NEK11: variants seen among roughly 807,000 people sequenced by gnomAD.
NEK11 encodes the protein serine/threonine-protein kinase Nek11.
A neutral mutation model predicts 80.7 loss-of-function variants in NEK11; 72 were observed. The observed-to-expected ratio is 0.89, with a 90% CI of 0.74 to 1.08. NEK11 has a LOEUF of 1.08. NEK11 is among the 50% of genes least tolerant of loss of function. NEK11 has a pLI of 0.00. For synonymous variants in NEK11, 251 were observed against 260.7 expected, an observed-to-expected ratio of 0.96 and a Z score of 0.36; for missense variants, 764 against 763.6, an observed-to-expected ratio of 1.00 and a Z score of -0.01.
intron 17 of NEK11, among the ~76,000 whole-genome samples, chr3:131,307,071 CA>C (rs1199012679): frequency 6.6e-6 from 1 of 152,100 alleles, no homozygotes; most frequent in Non-Finnish European, 1.5e-5. Flanking sequence ...AAACTCTGTT[CA>C]GCCTTTTACT....
chr3:131,126,968 T>C (rs1321302145), intron 5 of NEK11, among the ~76,000 whole-genome samples: 16 of 141,254 alleles, frequency 1.1e-4, no homozygotes, highest in Admixed American at 1.4e-4. Context: ...TCTTTTTTTT[T>C]TTTTTTTTTT....
At chr3:131,041,018 CTTCT>C (rs1260628935) in intron 3 of NEK11, among the ~76,000 whole-genome samples, 5 of 152,230 alleles carry the variant, frequency 3.3e-5, no homozygotes, top group Non-Finnish European at 7.3e-5. Flanking sequence ...CATTTCCTCT[CTTCT>C]TTCTTTGCTT....
chr3:131,131,465 A>C (rs146481358), intron 5 of NEK11, among the ~76,000 whole-genome samples: 66 of 152,188 alleles, frequency 4.3e-4, no homozygotes, highest in African/African-American at 1.5e-3. Context: ...TCTTTGAAGG[A>C]ATTGGTTCTT....
chr3:131,074,548 C>T (rs2074013059), intron 3 of NEK11, among the ~76,000 whole-genome samples: 1 of 152,022 alleles, frequency 6.6e-6, no homozygotes, highest in Non-Finnish European at 1.5e-5. Context: ...TGTATAAAGT[C>T]ATTTTTTAAA....
intron 16 of NEK11, among the ~76,000 whole-genome samples, chr3:131,245,288 G>A (rs370928158): frequency 9.5e-5 from 13 of 137,158 alleles, no homozygotes; most frequent in East Asian, 8.2e-4. Flanking sequence ...TTTTGTGGTT[G>A]AATAGTATTC....
chr3:131,168,361 A>C (rs1266627992), intron 12 of NEK11, among the ~76,000 whole-genome samples: 1 of 138,370 alleles, frequency 7.2e-6, no homozygotes, highest in East Asian at 2.1e-4. Flanking sequence ...ATTTTTATTT[A>C]TTTATTTTTT....
chr3:131,124,406 T>C (rs975638622), intron 5 of NEK11, among the ~76,000 whole-genome samples: 3 of 152,208 alleles, frequency 2.0e-5, no homozygotes, highest in Non-Finnish European at 4.4e-5. Flanking sequence ...GTAGAACAGA[T>C]ATCCCTGGTG....
intron 7 of NEK11, 51 bp from the exon 8 acceptor site, chr3:131,152,337 T>C: frequency 6.6e-7 from 1 of 1,519,308 alleles, no homozygotes; most frequent in Non-Finnish European, 8.9e-7. Context: ...GATGAAAAAA[T>C]TTAAAATAGG....
At chr3:131,142,471 G>A (rs1340519245) in intron 7 of NEK11, among the ~76,000 whole-genome samples, 1 of 150,616 alleles carries the variant, frequency 6.6e-6, no homozygotes, top group East Asian at 1.9e-4. Flanking sequence ...AATTATTAAA[G>A]CAGTTGGAAC....
At position 131,158,574 on chromosome 3, in the gene NEK11, A is replaced by G. The variant is rs767070187; in HGVS notation, c.962+3453A>G. ...CTGAGTGGCCACCCCTACCTGTGTC[A>G]GCATGCACAGAGGTTGCACACAGAC... On this transcript the variant is annotated intron_variant, in intron 10 of 17. Transcript: ENST00000383366. Among the ~76,000 whole-genome samples, 4 of 152,184 alleles carry G rather than the reference A, an allele frequency of 2.6e-5. No individual in the cohort carries two copies. The South Asian group carries it at 6.2e-4, about 24-fold the overall frequency.
intron 15 of NEK11, among the ~76,000 whole-genome samples, chr3:131,236,446 C>T (rs2095432571): frequency 6.6e-6 from 1 of 152,136 alleles, no homozygotes; most frequent in African/African-American, 2.4e-5. Context: ...CATTGGATAC[C>T]TATGAATGTC....
At chr3:131,334,683 G>T (rs1357415928) in intron 17 of NEK11, among the ~76,000 whole-genome samples, 1 of 151,952 alleles carries the variant, frequency 6.6e-6, no homozygotes, top group Non-Finnish European at 1.5e-5. Context: ...CCAGGAGCTG[G>T]TTTTTTTGAA....
chr3:131,173,257 G>A (rs189030600), intron 14 of NEK11, among the ~76,000 whole-genome samples: 1 of 152,072 alleles, frequency 6.6e-6, no homozygotes, highest in African/African-American at 2.4e-5. Context: ...TTTCTTGTGC[G>A]AGGTCCAAGA....
At chr3:131,044,018 T>C (rs1179833305) in intron 3 of NEK11, among the ~76,000 whole-genome samples, 1 of 152,032 alleles carries the variant, frequency 6.6e-6, no homozygotes, top group Non-Finnish European at 1.5e-5. Flanking sequence ...CAAACTAAGC[T>C]TCAAAAATGA....
At chr3:131,125,991 A>G (rs2083269598) in intron 5 of NEK11, among the ~76,000 whole-genome samples, 1 of 152,196 alleles carries the variant, frequency 6.6e-6, no homozygotes, top group Non-Finnish European at 1.5e-5. Flanking sequence ...TGTTTAAAGG[A>G]CAGATTTTCA....
intron 4 of NEK11, among the ~76,000 whole-genome samples, chr3:131,100,054 G>A (rs1418632815): frequency 6.6e-6 from 1 of 152,134 alleles, no homozygotes; most frequent in Non-Finnish European, 1.5e-5. Context: ...AAAGAGAATG[G>A]TTCCAGTTTT....
intron 4 of NEK11, 71 bp downstream of exon 4, chr3:131,080,659 G>A: frequency 7.6e-7 from 1 of 1,311,942 alleles, no homozygotes; most frequent in Non-Finnish European, 1.0e-6. Context: ...TCTGTAAAGA[G>A]ATCTTAAAAG....
chr3:131,105,545 C>G (rs149024174), intron 4 of NEK11, among the ~76,000 whole-genome samples: 196 of 152,180 alleles, frequency 1.3e-3, no homozygotes, highest in African/African-American at 4.5e-3. Flanking sequence ...TGGGGAAGCC[C>G]CAGGAAGCTT....
At chr3:131,069,550 C>A (rs928343525) in intron 3 of NEK11, among the ~76,000 whole-genome samples, 1 of 151,910 alleles carries the variant, frequency 6.6e-6, no homozygotes, top group African/African-American at 2.4e-5. Flanking sequence ...CGGCATTATT[C>A]GCAATAGCAA....
Sources: gnomAD v4.1 joint callset for allele counts (sites outside exome capture counted in the v4.1 genomes callset) on GRCh38, gnomAD v4.1.1 for gene constraint, MANE v1.5 for transcripts, NCBI Gene and HGNC (gene_info 2026-07-23, HGNC 2026-07-21) for gene names.